The following APBA2 variants were observed in gnomAD, a reference collection of about 807,000 sequenced individuals.
The protein encoded by APBA2 is amyloid-beta A4 precursor protein-binding family A member 2.
Under a neutral mutation model 75.0 loss-of-function variants are expected in APBA2, and 30 were observed. The observed-to-expected ratio is 0.40, with a 90% confidence interval of 0.30 to 0.54. APBA2 has a LOEUF of 0.54. Among genes scored for constraint, APBA2 ranks in the 20% least tolerant of loss-of-function variants. APBA2 has a pLI of 0.49. For synonymous variants in APBA2, 444 were observed against 409.6 expected (o/e 1.08, Z -1.01); for missense variants, 801 against 1,016.1 (o/e 0.79, Z 2.88).
In APBA2 at chr15:29,090,224, C is replaced by T. The variant is rs144223188; in HGVS notation, c.1070-2851C>T. 6.8e-3 allele frequency among the ~76,000 whole-genome samples: 1,032 copies of T among 152,316 alleles called. 13 individuals carry two copies. The highest frequency in any genetic ancestry group is 0.024 in the African/African-American group (980 of 41,566). On this transcript the variant is annotated intron_variant, in intron 6 of 14. Transcript: ENST00000683413. ...GGTGGTGGCTGGAGTTGCAGCAAGGCCCTTGAGTGCTTCACTGGCCTCATC... is the reference window on the plus strand; with the variant it reads ...GGTGGTGGCTGGAGTTGCAGCAAGGTCCTTGAGTGCTTCACTGGCCTCATC...
Position 28,991,629 on chromosome 15 carries a change from C to A in APBA2, c.-94-4124C>A, listed in dbSNP as rs1019042302. 5.9e-5 allele frequency among the ~76,000 whole-genome samples: 9 copies of A among 152,288 alleles called. No individual in the cohort carries two copies. The highest frequency in any genetic ancestry group is 3.4e-3 in the Middle Eastern group (1 of 294). ...GGGGATACCTGCCTTTCAGTATGGG[C>A]TGCAGCCATTAGGCTGGTACCAGGA... is the stretch of plus-strand genomic sequence containing the variant. On this transcript the variant is annotated intron_variant, in intron 2 of 14. Coordinates refer to ENST00000683413, the MANE Select transcript of APBA2 (RefSeq NM_001353788.2). This position sits in a 1 kb window ranked among gnomAD's most constrained non-coding sequence, Gnocchi z 4.7.
At chr15:28,985,666 T>C (rs1169465037) in intron 2 of APBA2, among the ~76,000 whole-genome samples, 1 of 152,318 alleles carries the variant, frequency 6.6e-6, no homozygotes, top group Non-Finnish European at 1.5e-5. Flanking sequence ...TTAAAATAAG[T>C]GGTCTTCAGT....
At chr15:28,914,804 C>T (rs1424268033) in intron 1 of APBA2, among the ~76,000 whole-genome samples, 1 of 151,942 alleles carries the variant, frequency 6.6e-6, no homozygotes, top group South Asian at 2.1e-4. Flanking sequence ...GGGTTCTGAG[C>T]TGATGGGGGC....
Position 29,054,323 on chromosome 15 carries a change from C to T in APBA2, c.439C>T (p.Pro147Ser). 3.1e-6 allele frequency: 5 copies of T among 1,614,008 alleles called. No individual in the cohort carries two copies. The highest frequency in any genetic ancestry group is 4.2e-6 in the Non-Finnish European group (5 of 1,180,002). ...GGAGGAGTGGACGGACTCGGCGGGC[C>T]CGCACCCCCACGGCCACGAGGCTGA... is the stretch of plus-strand genomic sequence containing the variant. ...AVEEWTDSAG[P>S]HPHGHEAEGS... The change falls in exon 4 of 15, where the codon CCG (proline) becomes TCG (serine). Residue 147 changes from proline (P) to serine (S), a missense_variant. Physicochemically the swap from Pro to Ser is moderately conservative, Grantham distance 74. Around this residue, in one of 2 missense-constraint regions of APBA2, gnomAD observed 434 missense variants for 471.6 expected, o/e 0.92. Coordinates refer to ENST00000683413, the MANE Select transcript of APBA2 (RefSeq NM_001353788.2). The surrounding 1 kb of genome is among the most constrained non-coding windows in gnomAD (Gnocchi z 6.1).
At chr15:29,064,319 T>TG (rs930226369) in intron 4 of APBA2, among the ~76,000 whole-genome samples, 16 of 152,174 alleles carry the variant, frequency 1.1e-4, no homozygotes, top group African/African-American at 3.9e-4. Context: ...GCTCCTGATG[T>TG]GGGGGGCCGG....
intron 2 of APBA2, among the ~76,000 whole-genome samples, chr15:28,964,173 A>G (rs1389521189): frequency 1.3e-5 from 2 of 152,212 alleles, no homozygotes; most frequent in African/African-American, 2.4e-5. Flanking sequence ...TCTATGATCA[A>G]TTATCTACAA....
rs1258797415 is a variant in APBA2, at chr15:28,991,168, G to A, written c.-94-4585G>A. On this transcript the variant is annotated intron_variant, in intron 2 of 14. Transcript: ENST00000683413. This position sits in a 1 kb window ranked among gnomAD's most constrained non-coding sequence, Gnocchi z 4.7. Reference sequence around the variant, plus strand: ...AGAGCACTTTGGTATCCACCCCAAGGGCCCTCCTCTGCCTGTCTCAGCACC... The same window carrying A: ...AGAGCACTTTGGTATCCACCCCAAGAGCCCTCCTCTGCCTGTCTCAGCACC... Among the ~76,000 whole-genome samples the A allele has an allele frequency of 2.0e-5, 3 of 152,082 alleles. No individual in the cohort carries two copies. Among genetic ancestry groups the A allele is most frequent in the African/African-American group, 7.2e-5 (3 of 41,400 alleles).
intron 2 of APBA2, among the ~76,000 whole-genome samples, chr15:28,968,140 T>G (rs2036843212): frequency 1.3e-5 from 2 of 152,260 alleles, no homozygotes; most frequent in South Asian, 4.1e-4. Flanking sequence ...GGCTGAATAA[T>G]ACTCCACCGT....
Position 29,105,495 on chromosome 15 carries a change from C to T in APBA2, c.1641C>T (p.Ile547=). The change falls in exon 11 of 15, where the codon ATC becomes ATT. Residue 547 remains isoleucine (I), a synonymous_variant. Coordinates refer to ENST00000683413, the MANE Select transcript of APBA2 (RefSeq NM_001353788.2). ...DLSQKEYSDI[I]NTQEMYNDDL... Reference sequence around the variant, plus strand: ...GCCAGAAGGAATACAGCGACATCATCAACACCCAGGAGATGTACAACGACG... The same window carrying T: ...GCCAGAAGGAATACAGCGACATCATTAACACCCAGGAGATGTACAACGACG... 1 of 1,613,990 alleles carries T rather than the reference C, an allele frequency of 6.2e-7. No individual in the cohort carries two copies. Among genetic ancestry groups the T allele is most frequent in the Non-Finnish European group, 8.5e-7 (1 of 1,180,040 alleles).
chr15:28,997,777 G>A (rs940798108), intron 3 of APBA2, among the ~76,000 whole-genome samples: 1 of 152,098 alleles, frequency 6.6e-6, no homozygotes, highest in Non-Finnish European at 1.5e-5. Context: ...AGACCTACTG[G>A]AATTTTTATG....
chr15:29,063,426 G>T (rs57867180), intron 4 of APBA2, among the ~76,000 whole-genome samples: 27 of 124,568 alleles, frequency 2.2e-4, no homozygotes, highest in African/African-American at 3.3e-4. Context: ...GTATGGGTGG[G>T]GAGGGGAGTT....
At chr15:29,044,252 G>C (rs942172448) in intron 3 of APBA2, 4 of 152,098 alleles carry the variant, frequency 2.6e-5, no homozygotes, top group African/African-American at 9.7e-5. Context: ...TTTAGAATAA[G>C]GACACTGGAG....
intron 2 of APBA2, among the ~76,000 whole-genome samples, chr15:28,964,902 C>T (rs887759523): frequency 3.2e-4 from 48 of 151,978 alleles, no homozygotes; most frequent in African/African-American, 1.1e-3. Flanking sequence ...ATAATTTCTC[C>T]CAGAGTATAA....
chr15:28,905,327 C>T (rs1263185511), intron 1 of APBA2, among the ~76,000 whole-genome samples: 6 of 152,220 alleles, frequency 3.9e-5, no homozygotes, highest in African/African-American at 1.2e-4. Context: ...ATCAATTCCC[C>T]GCAATTGGAC....
intron 8 of APBA2, among the ~76,000 whole-genome samples, chr15:29,096,315 G>A (rs1043767647): frequency 5.9e-5 from 9 of 152,124 alleles, no homozygotes; most frequent in Non-Finnish European, 1.3e-4. Context: ...GTTACTGATG[G>A]GTTTTCCACT....
intron 2 of APBA2, among the ~76,000 whole-genome samples, chr15:28,972,396 T>C (rs1347011189): frequency 6.6e-6 from 1 of 152,232 alleles, no homozygotes; most frequent in Non-Finnish European, 1.5e-5. Flanking sequence ...TCAAGATTTA[T>C]GCTCTAGGAA....
intron 8 of APBA2, among the ~76,000 whole-genome samples, chr15:29,095,458 G>A (rs563287876): frequency 2.1e-4 from 32 of 152,292 alleles, no homozygotes; most frequent in African/African-American, 4.8e-4. Context: ...GATTGACATC[G>A]AGTCATTTGT....
At chr15:29,038,321 G>A (rs914995713) in intron 3 of APBA2, among the ~76,000 whole-genome samples, 4 of 152,156 alleles carry the variant, frequency 2.6e-5, no homozygotes, top group Non-Finnish European at 1.5e-5. Flanking sequence ...CCTATCTTCC[G>A]AGGGCTACTT....
intron 3 of APBA2, among the ~76,000 whole-genome samples, chr15:29,028,777 CAT>C (rs1453559643): frequency 1.3e-5 from 2 of 152,076 alleles, no homozygotes; most frequent in Admixed American, 6.5e-5. Flanking sequence ...AGCTTTTTTT[CAT>C]ATGTTTGATG....
Sources: gnomAD v4.1 joint callset for allele counts (sites outside exome capture counted in the v4.1 genomes callset) on GRCh38, gnomAD v4.1.1 for gene constraint, gnomAD v4.1.1 regional missense constraint, Gnocchi (gnomAD v3.1) non-coding constraint, MANE v1.5 for transcripts, NCBI Gene and HGNC (gene_info 2026-07-23, HGNC 2026-07-21) for gene names.